The following CFAP44 variants were observed in gnomAD, a reference collection of about 807,000 sequenced individuals.
The protein encoded by CFAP44 is cilia and flagella associated protein 44, also known as cilia- and flagella-associated protein 44.
A neutral mutation model predicts 216.2 loss-of-function variants in CFAP44; 134 were observed. That is an observed-to-expected ratio of 0.62 (90% CI 0.54 to 0.72). The LOEUF (loss-of-function observed/expected upper bound fraction) is 0.72, where lower values mean the gene tolerates loss of function less well. Among genes scored for constraint, CFAP44 ranks in the 30% least tolerant of loss-of-function variants. CFAP44 has a pLI of 0.00. For missense variants in CFAP44, 2,035 were observed against 2,182.1 expected (o/e 0.93, Z 1.34); for synonymous variants, 700 against 727.6 (o/e 0.96, Z 0.61).
chr3:113,314,542 A>G (rs1950069901), intron 28 of CFAP44, among the ~76,000 whole-genome samples: 1 of 152,214 alleles, frequency 6.6e-6, no homozygotes, highest in Admixed American at 6.5e-5. Flanking sequence ...AAAATTCTCT[A>G]AACAGAAAGC....
intron 15 of CFAP44, among the ~76,000 whole-genome samples, chr3:113,390,389 C>T (rs1269320881): frequency 6.6e-6 from 1 of 152,100 alleles, no homozygotes; most frequent in Non-Finnish European, 1.5e-5. Context: ...TAGCTAGTAT[C>T]ATACTGAATG....
At chr3:113,426,376 T>C (rs1934960621) in intron 3 of CFAP44, 99 bp from the exon 4 acceptor site, 11 of 1,292,480 alleles carry the variant, frequency 8.5e-6, no homozygotes, top group Non-Finnish European at 1.1e-6. Flanking sequence ...CCACATGTCA[T>C]GGGAGAGACC....
At chr3:113,336,257 T>G (rs1340632483) in intron 24 of CFAP44, among the ~76,000 whole-genome samples, 2 of 151,986 alleles carry the variant, frequency 1.3e-5, no homozygotes, top group Non-Finnish European at 2.9e-5. Context: ...CCAAACAATA[T>G]TTTAAAATCT....
intron 28 of CFAP44, among the ~76,000 whole-genome samples, chr3:113,311,739 C>T (rs1950040643): frequency 6.6e-6 from 1 of 152,090 alleles, no homozygotes; most frequent in Non-Finnish European, 1.5e-5. Flanking sequence ...CAGAAGAAGA[C>T]AGGAAAATGT....
chr3:113,367,284 G>A (rs1932977399), intron 18 of CFAP44, among the ~76,000 whole-genome samples: 1 of 152,152 alleles, frequency 6.6e-6, no homozygotes, highest in African/African-American at 2.4e-5. Context: ...CCCCCATGTA[G>A]CCTGAGAGAC....
intron 21 of CFAP44, 153 bp downstream of exon 21, chr3:113,362,992 A>C: frequency 1.5e-6 from 2 of 1,379,244 alleles, no homozygotes; most frequent in Non-Finnish European, 1.9e-6. Context: ...CATACAAATT[A>C]AAAGATGCCC....
chr3:113,310,192 G>A (rs142141209), intron 28 of CFAP44, among the ~76,000 whole-genome samples: 1 of 152,284 alleles, frequency 6.6e-6, no homozygotes, highest in Non-Finnish European at 1.5e-5. Flanking sequence ...AGATGCCTGT[G>A]GAGGCCATGT....
At chr3:113,404,768 C>T (rs1255345739) in intron 8 of CFAP44, among the ~76,000 whole-genome samples, 2 of 152,116 alleles carry the variant, frequency 1.3e-5, no homozygotes, top group African/African-American at 4.8e-5. Flanking sequence ...ATAGCCCTGA[C>T]TATTATTATC....
intron 28 of CFAP44, among the ~76,000 whole-genome samples, chr3:113,316,389 T>C (rs1950087080): frequency 6.6e-6 from 1 of 151,942 alleles, no homozygotes; most frequent in African/African-American, 2.4e-5. Flanking sequence ...AACATGGAAG[T>C]ATAAAATAAA....
In CFAP44 at chr3:113,294,833, G is replaced by T. The variant is rs1278762429; in HGVS notation, c.5239-12C>A. On this transcript the variant is annotated splice_polypyrimidine_tract_variant and intron_variant, in intron 33 of 34. Coordinates refer to ENST00000393845, the MANE Select transcript of CFAP44 (RefSeq NM_001164496.2). ...TGAGCAATCTTTTCCTACCAGGGTG[G>T]GAAGATGCAAAATAGATGTAGTGAA... 4 of 1,520,336 alleles carry T rather than the reference G, an allele frequency of 2.6e-6. No homozygotes were observed. The highest frequency in any genetic ancestry group is 1.3e-5 in the South Asian group (1 of 79,572). 94.2% of individuals were successfully genotyped at this position (1,520,336 alleles called of 1,614,324 possible).
At chr3:113,439,218 A>G (rs76464689) in intron 1 of CFAP44, among the ~76,000 whole-genome samples, 6,204 of 152,276 alleles carry the variant, frequency 0.041, 152 homozygotes, top group East Asian at 0.1. Flanking sequence ...TTTGAGTTGT[A>G]AAAGTTGTCA....
intron 32 of CFAP44, among the ~76,000 whole-genome samples, chr3:113,298,087 C>T (rs967878526): frequency 1.3e-5 from 2 of 152,188 alleles, no homozygotes; most frequent in Non-Finnish European, 2.9e-5. Flanking sequence ...CCTGCCTGGC[C>T]TCTCTCAGTA....
chr3:113,327,890 A>G, intron 26 of CFAP44, 71 bp from the exon 27 acceptor site: 1 of 1,372,418 alleles, frequency 7.3e-7, no homozygotes, highest in Non-Finnish European at 9.8e-7. Flanking sequence ...ATCTAACAGT[A>G]CTAATTTGTA....
At chr3:113,430,076 G>T (rs1371735702) in intron 2 of CFAP44, among the ~76,000 whole-genome samples, 2 of 151,888 alleles carry the variant, frequency 1.3e-5, no homozygotes, top group African/African-American at 4.8e-5. Flanking sequence ...TGGGACATAA[G>T]ACCAGTTTTA....
chr3:113,368,685 A>C (rs1012600516), intron 18 of CFAP44, among the ~76,000 whole-genome samples: 1 of 152,030 alleles, frequency 6.6e-6, no homozygotes, highest in Non-Finnish European at 1.5e-5. Context: ...GCATCAATTA[A>C]CAGGCAAAAT....
chr3:113,366,368 C>T, intron 18 of CFAP44, 59 bp from the exon 19 acceptor site: 1 of 1,549,366 alleles, frequency 6.5e-7, no homozygotes, highest in Non-Finnish European at 8.7e-7. Flanking sequence ...TGCTTAATTT[C>T]AACTTAATTG....
chr3:113,308,024 T>TA (rs1950002870), intron 29 of CFAP44, 134 bp downstream of exon 29: 1 of 630,270 alleles, frequency 1.6e-6, no homozygotes, highest in Non-Finnish European at 2.6e-6. Context: ...AGGTATTCAT[T>TA]AGACTCTATA....
intron 1 of CFAP44, among the ~76,000 whole-genome samples, chr3:113,436,128 C>T (rs1935233894): frequency 1.3e-5 from 2 of 152,194 alleles, no homozygotes; most frequent in African/African-American, 2.4e-5. Flanking sequence ...CACTCCAGCA[C>T]TGTCAGAAAA....
rs144496814 is a variant in CFAP44, at chr3:113,401,280, T to G, written c.1334A>C (p.Asn445Thr). ...AAGGTCAAGCTTCCATATGGCTCCA[T>G]TGGCATCCTAAAAAAATTAAATAGT... ...GNNFWLAQDA[N>T]GAIWKLDLSF... Residue 445 changes from asparagine to threonine, a missense_variant, in exon 11 of 35, where the codon AAT becomes ACT. By Grantham distance (65) the Asn-to-Thr change is moderately conservative. Around this residue, in one of 3 missense-constraint regions of CFAP44, gnomAD observed 1,883 missense variants for 2,023.7 expected, o/e 0.93. Coordinates refer to ENST00000393845, the MANE Select transcript of CFAP44 (RefSeq NM_001164496.2). 4 of 1,583,392 alleles carry G rather than the reference T, an allele frequency of 2.5e-6. No homozygotes were observed. Among genetic ancestry groups the G allele is most frequent in the Admixed American group, 1.9e-5 (1 of 51,580 alleles).
Sources: gnomAD v4.1 joint callset for allele counts (sites outside exome capture counted in the v4.1 genomes callset) on GRCh38, gnomAD v4.1.1 for gene constraint, gnomAD v4.1.1 regional missense constraint, MANE v1.5 for transcripts, NCBI Gene and HGNC (gene_info 2026-07-23, HGNC 2026-07-21) for gene names.